Variants in MACROD2 observed in about 807,000 individuals in gnomAD.
MACROD2 encodes the protein ADP-ribose glycohydrolase MACROD2.
MACROD2 carries 36 observed loss-of-function variants against 70.4 expected under a neutral mutation model. The ratio of observed to expected loss-of-function variants is 0.51; its 90% CI spans 0.39 to 0.68. The LOEUF is 0.68. MACROD2 is among the 30% of genes least tolerant of loss of function. The probability of loss-of-function intolerance (pLI) is 0.00; values close to 1 mark genes in which losing one functional copy is unlikely to be tolerated. For missense variants in MACROD2, 496 were observed against 538.4 expected, an observed-to-expected ratio of 0.92 and a Z score of 0.78; for synonymous variants, 172 against 178.8, an observed-to-expected ratio of 0.96 and a Z score of 0.30.
chr20:14,600,343 TACACACACACACAC>T (rs1042255013), intron 4 of MACROD2, among the ~76,000 whole-genome samples: 1 of 130,200 alleles, frequency 7.7e-6, no homozygotes, highest in Non-Finnish European at 1.6e-5. Context: ...TATATATATA[TACACACACACACAC>T]ACACACACAA....
chr20:15,817,364 A>G (rs539920062), intron 8 of MACROD2, among the ~76,000 whole-genome samples: 9 of 152,324 alleles, frequency 5.9e-5, no homozygotes, highest in African/African-American at 2.2e-4. Context: ...CCTTTAGGAA[A>G]TATTAGAATC....
At chr20:14,705,374 G>T (rs1236374865) in intron 5 of MACROD2, among the ~76,000 whole-genome samples, 1 of 151,882 alleles carries the variant, frequency 6.6e-6, no homozygotes, top group Non-Finnish European at 1.5e-5. Flanking sequence ...GCCCCTCTAT[G>T]CCTAGCATGG....
In MACROD2 at chr20:14,751,023, T is replaced by C. The variant is rs548371790; in HGVS notation, c.418+66064T>C. 5.3e-4 allele frequency among the ~76,000 whole-genome samples: 80 copies of C among 152,242 alleles called. 1 individual carries two copies. The highest frequency in any genetic ancestry group is 1.9e-3 in the African/African-American group (77 of 41,504). ...TTAATTAAAGAATAATAAGATCTTA[T>C]ATTATTATAGATCTTATATCGCTTA... On this transcript the variant is annotated intron_variant, in intron 5 of 17. Coordinates refer to ENST00000684519, the MANE Select transcript of MACROD2 (RefSeq NM_001351661.2).
At chr20:14,285,355 C>A (rs1213242241) in intron 3 of MACROD2, among the ~76,000 whole-genome samples, 3 of 152,122 alleles carry the variant, frequency 2.0e-5, no homozygotes, top group Non-Finnish European at 4.4e-5. Flanking sequence ...CATCAGAAAG[C>A]AAGGGCGTCA....
At chr20:15,960,904 A>G (rs541450451) in intron 12 of MACROD2, among the ~76,000 whole-genome samples, 2 of 152,256 alleles carry the variant, frequency 1.3e-5, no homozygotes, top group African/African-American at 4.8e-5. Context: ...TCACTACTCT[A>G]GCTCTAGAAA....
chr20:14,048,790 T>G (rs973709494), intron 2 of MACROD2, among the ~76,000 whole-genome samples: 5 of 152,182 alleles, frequency 3.3e-5, no homozygotes, highest in African/African-American at 1.2e-4. Flanking sequence ...CAGTGACATT[T>G]AAGGTTAAAT....
intron 8 of MACROD2, among the ~76,000 whole-genome samples, chr20:15,770,306 GGTCATTTATAGCCTTTCTAA>G (rs2051603249): frequency 6.6e-6 from 1 of 151,678 alleles, no homozygotes; most frequent in African/African-American, 2.4e-5. Context: ...CTCTATCAGT[GGTCATTTATAGCCTTTCTAA>G]GTCTAAGGAA....
intron 8 of MACROD2, among the ~76,000 whole-genome samples, chr20:15,625,060 C>T (rs891859195): frequency 5.3e-5 from 8 of 152,160 alleles, no homozygotes; most frequent in African/African-American, 1.9e-4. Flanking sequence ...ATAAAACCCC[C>T]TTTTCCTTCT....
chr20:14,565,854 C>T (rs867624448), intron 4 of MACROD2, among the ~76,000 whole-genome samples: 25 of 151,936 alleles, frequency 1.6e-4, no homozygotes, highest in African/African-American at 4.6e-4. Flanking sequence ...TCCACATATC[C>T]GGCTCAACAG....
At chr20:14,554,482 A>G (rs953694160) in intron 4 of MACROD2, 1 of 152,128 alleles carries the variant, frequency 6.6e-6, no homozygotes, top group African/African-American at 2.4e-5. Flanking sequence ...TTTGGAGAAC[A>G]TTATATTTGA....
intron 8 of MACROD2, among the ~76,000 whole-genome samples, chr20:15,537,132 A>T (rs1221975216): frequency 6.6e-6 from 1 of 152,152 alleles, no homozygotes; most frequent in Non-Finnish European, 1.5e-5. Context: ...GGTGGTTTCC[A>T]TCATACTATT....
chr20:14,396,989 CTTTT>C (rs372145747), intron 3 of MACROD2, among the ~76,000 whole-genome samples: 1 of 97,000 alleles, frequency 1.0e-5, no homozygotes, highest in African/African-American at 3.9e-5. Flanking sequence ...AGACCATTTA[CTTTT>C]TTTTTTTTTT....
chr20:15,316,473 A>G (rs1303434765), intron 6 of MACROD2, among the ~76,000 whole-genome samples: 1 of 152,134 alleles, frequency 6.6e-6, no homozygotes, highest in South Asian at 2.1e-4. Context: ...ATATTAATAA[A>G]AGAGTCTATT....
intron 3 of MACROD2, among the ~76,000 whole-genome samples, chr20:14,470,908 C>A (rs2084522654): frequency 6.6e-6 from 1 of 152,162 alleles, no homozygotes; most frequent in Non-Finnish European, 1.5e-5. Flanking sequence ...TCCCTGGCTT[C>A]AGCCCCCTTT....
rs190429214 is a variant in MACROD2, at chr20:15,382,821, G to A, written c.541-48584G>A. Among the ~76,000 whole-genome samples the A allele has an allele frequency of 3.5e-4, 53 of 152,274 alleles. No individual in the cohort carries two copies. In the East Asian group the frequency reaches 9.1e-3, roughly 26 times the overall value. ...AAATGTGTCGTCAGTAATTAGGACA[G>A]GCCCTAGATTCTAGAGGAGGGAGAC... On this transcript the variant is annotated intron_variant, in intron 6 of 17. Coordinates refer to ENST00000684519, the MANE Select transcript of MACROD2 (RefSeq NM_001351661.2).
chr20:15,303,851 TTCC>T (rs1466287604), intron 6 of MACROD2, among the ~76,000 whole-genome samples: 1 of 152,152 alleles, frequency 6.6e-6, no homozygotes, highest in African/African-American at 2.4e-5. Flanking sequence ...CAGCCTACAA[TTCC>T]TCTTCCTTCT....
chr20:15,750,485 C>A (rs1020975793), intron 8 of MACROD2, among the ~76,000 whole-genome samples: 1 of 151,580 alleles, frequency 6.6e-6, no homozygotes, highest in East Asian at 1.9e-4. Context: ...AATATGTTAC[C>A]CTTCAATAAA....
intron 5 of MACROD2, among the ~76,000 whole-genome samples, chr20:14,776,507 C>G (rs966822662): frequency 1.3e-5 from 2 of 151,996 alleles, no homozygotes. Context: ...AATGCCCTTT[C>G]TAGCCACATA....
chr20:15,035,082 C>G (rs1404062678), intron 5 of MACROD2, among the ~76,000 whole-genome samples: 1 of 152,072 alleles, frequency 6.6e-6, no homozygotes, highest in Non-Finnish European at 1.5e-5. Flanking sequence ...CTTTTACCAC[C>G]ACTGAATATT....
Sources: gnomAD v4.1 joint callset for allele counts (sites outside exome capture counted in the v4.1 genomes callset) on GRCh38, gnomAD v4.1.1 for gene constraint, MANE v1.5 for transcripts, NCBI Gene and HGNC (gene_info 2026-07-23, HGNC 2026-07-21) for gene names.